ABHD12B: variants seen among roughly 807,000 people sequenced by gnomAD.
The protein encoded by ABHD12B is abhydrolase domain containing 12B.
Under a neutral mutation model 50.4 loss-of-function variants are expected in ABHD12B, and 42 were observed. The observed-to-expected ratio is 0.83, with a 90% CI of 0.65 to 1.08. ABHD12B has a LOEUF of 1.08. ABHD12B is among the 50% of genes least tolerant of loss of function. The pLI is 0.00. For synonymous variants in ABHD12B, 167 were observed against 160.3 expected (o/e 1.04, Z -0.32); for missense variants, 479 against 447.7 (o/e 1.07, Z -0.63).
In ABHD12B at chr14:50,901,901, A is replaced by G. The variant is rs1396581740; in HGVS notation, c.853A>G (p.Asn285Asp). ...ALRKDKIIFP[N>D]DENVKFLSSP... ...GAGAAAAGACAAAATAATCTTTCCT[A>G]ATGATGAAAAGTAAGTTAATGATGA... Residue 285 changes from asparagine to aspartate, a missense_variant, in exon 10 of 13, where the codon AAT becomes GAT. Transcript: ENST00000337334. The G allele has an allele frequency of 6.3e-7, 1 of 1,589,518 alleles. No homozygotes were observed. Among genetic ancestry groups the G allele is most frequent in the Non-Finnish European group, 8.6e-7 (1 of 1,168,664 alleles).
intron 9 of ABHD12B, among the ~76,000 whole-genome samples, chr14:50,890,361 A>G (rs1433878020): frequency 1.3e-5 from 2 of 152,206 alleles, no homozygotes; most frequent in Admixed American, 6.5e-5. Context: ...AGAAATGAGC[A>G]TCACCCACAC....
chr14:50,894,037 C>T (rs2050157571), intron 9 of ABHD12B, among the ~76,000 whole-genome samples: 1 of 152,238 alleles, frequency 6.6e-6, no homozygotes. Context: ...CACGCAGGGA[C>T]GCCTGCCTTG....
chr14:50,884,575 C>T (rs9323197), intron 5 of ABHD12B, among the ~76,000 whole-genome samples: 147,315 of 152,308 alleles, frequency 0.97, 71,434 homozygotes, highest in East Asian at 1. Context: ...TCAGTTTATC[C>T]GTAAAATGGG....
rs2049796127 is a variant in ABHD12B at position 50,872,281 on chromosome 14, G to T, written c.104+3G>T. The T allele has an allele frequency of 7.4e-7, 1 of 1,342,814 alleles. No homozygotes were observed. Among genetic ancestry groups the T allele is most frequent in the South Asian group, 1.9e-5 (1 of 53,728 alleles). 83.2% of individuals were successfully genotyped at this position (1,342,814 alleles called of 1,614,324 possible). On this transcript the variant is annotated splice_donor_region_variant and intron_variant, in intron 1 of 12. Coordinates refer to ENST00000337334, the MANE Select transcript of ABHD12B (RefSeq NM_001206673.2). Reference sequence around the variant, plus strand: ...GACATGGTCGACCGCAACCTGCGGTGAGTACCGCCCGGTCCACCCCTGGCC... The same window carrying T: ...GACATGGTCGACCGCAACCTGCGGTTAGTACCGCCCGGTCCACCCCTGGCC...
At chr14:50,882,843 T>A (rs2049976676) in intron 5 of ABHD12B, among the ~76,000 whole-genome samples, 1 of 152,012 alleles carries the variant, frequency 6.6e-6, no homozygotes, top group Non-Finnish European at 1.5e-5. Flanking sequence ...TGGTGGTACT[T>A]GCCTGCAATT....
chr14:50,875,469 C>T (rs1203320064), intron 1 of ABHD12B, among the ~76,000 whole-genome samples: 1 of 152,232 alleles, frequency 6.6e-6, no homozygotes, highest in Non-Finnish European at 1.5e-5. Flanking sequence ...CACCAGCTTT[C>T]ACCAGTAAGA....
chr14:50,879,031 G>A (rs1441922408), intron 3 of ABHD12B, among the ~76,000 whole-genome samples, 184 bp downstream of exon 3: 1 of 152,160 alleles, frequency 6.6e-6, no homozygotes, highest in African/African-American at 2.4e-5. Flanking sequence ...TTGCTTTGGA[G>A]TATAGACATT....
intron 9 of ABHD12B, among the ~76,000 whole-genome samples, chr14:50,895,396 C>G (rs1331086893): frequency 8.6e-5 from 13 of 151,592 alleles, no homozygotes; most frequent in Non-Finnish European, 1.5e-4. Context: ...ACGCCTGAAC[C>G]GCAGCAGCCA....
intron 1 of ABHD12B, among the ~76,000 whole-genome samples, chr14:50,873,143 AC>A (rs1038369414): frequency 1.3e-5 from 2 of 152,194 alleles, no homozygotes; most frequent in African/African-American, 4.8e-5. Flanking sequence ...TCCAAAAATT[AC>A]ATCCAGACAC....
Position 50,903,856 on chromosome 14 carries a change from G to C in ABHD12B, c.943-218G>C, listed in dbSNP as rs1315035568. On this transcript the variant is annotated intron_variant, in intron 11 of 12. Transcript: ENST00000337334. Reference sequence around the variant, plus strand: ...GGCATTTTGCAGGGAGGTTCAAGCAGGGAAGGATGAGGTTTTATCAGTATT... The same window carrying C: ...GGCATTTTGCAGGGAGGTTCAAGCACGGAAGGATGAGGTTTTATCAGTATT... 10 of 531,364 alleles carry C rather than the reference G, an allele frequency of 1.9e-5. 1 individual carries two copies. The South Asian group carries it at 2.3e-4, about 12-fold the overall frequency. 32.9% of individuals were successfully genotyped at this position (531,364 alleles called of 1,614,324 possible). A position where few individuals can be genotyped will look rare whatever the true frequency, so the allele number is the denominator to read the frequency against.
In ABHD12B at chr14:50,878,854, G is replaced by A; in HGVS notation, c.335+7G>A. 1 of 1,611,326 alleles carries A rather than the reference G, an allele frequency of 6.2e-7. No individual in the cohort carries two copies. Among genetic ancestry groups the A allele is most frequent in the Non-Finnish European group, 8.5e-7 (1 of 1,177,558 alleles). The stretch of plus-strand genomic sequence containing the variant: ...GGGTGATGCTAGGGATCTGGTGAGT[G>A]CACGGATGGGACACCGGGTTGCTTG... On this transcript the variant is annotated splice_region_variant and intron_variant, in intron 3 of 12. Transcript: ENST00000337334.
At chr14:50,886,033 T>C (rs1359949522) in intron 7 of ABHD12B, 138 bp downstream of exon 7, 1 of 1,257,388 alleles carries the variant, frequency 8.0e-7, no homozygotes, top group Non-Finnish European at 1.1e-6. Context: ...ACACTAGAAG[T>C]GGCTGAAGAT....
At chr14:50,882,526 G>A (rs1034612823) in intron 5 of ABHD12B, among the ~76,000 whole-genome samples, 44 of 151,366 alleles carry the variant, frequency 2.9e-4, no homozygotes, top group Non-Finnish European at 5.9e-4. Context: ...ACAGGCACCT[G>A]CCACCACGCC....
chr14:50,874,155 C>T (rs1020251199), intron 1 of ABHD12B, among the ~76,000 whole-genome samples: 1 of 152,202 alleles, frequency 6.6e-6, no homozygotes, highest in Non-Finnish European at 1.5e-5. Flanking sequence ...GACCCAAGAA[C>T]ATTTCATCAT....
At chr14:50,874,405 C>T (rs2049831195) in intron 1 of ABHD12B, among the ~76,000 whole-genome samples, 1 of 152,054 alleles carries the variant, frequency 6.6e-6, no homozygotes, top group South Asian at 2.1e-4. Context: ...TGGAGACCAT[C>T]CTGGCTAACA....
intron 3 of ABHD12B, 36 bp from the exon 4 acceptor site, chr14:50,880,416 C>G (rs770081676): frequency 1.3e-6 from 2 of 1,543,452 alleles, no homozygotes. Context: ...GAGAATTCCT[C>G]TTTCTACATT....
At chr14:50,881,445 C>G in intron 4 of ABHD12B, 151 bp from the exon 5 acceptor site, 1 of 636,640 alleles carries the variant, frequency 1.6e-6, no homozygotes. Context: ...TTTTTTTTTA[C>G]ATTTCCCCTT....
intron 9 of ABHD12B, among the ~76,000 whole-genome samples, chr14:50,890,236 T>C (rs1268053844): frequency 1.3e-5 from 2 of 152,178 alleles, no homozygotes; most frequent in South Asian, 2.1e-4. Flanking sequence ...ATACAATCTT[T>C]TTATTTAGTT....
intron 8 of ABHD12B, among the ~76,000 whole-genome samples, chr14:50,886,894 A>G (rs1392624098): frequency 6.6e-6 from 1 of 152,212 alleles, no homozygotes; most frequent in Non-Finnish European, 1.5e-5. Context: ...AAAAATAAAT[A>G]TGAAGGAACA....
Sources: allele counts gnomAD v4.1 joint callset (sites outside exome capture counted in the v4.1 genomes callset), GRCh38; gene constraint gnomAD v4.1.1; transcripts MANE v1.5; gene names NCBI Gene and HGNC (gene_info 2026-07-23, HGNC 2026-07-21).